HLA-F: variants seen among roughly 807,000 people sequenced by gnomAD.
HLA-F encodes HLA class I histocompatibility antigen, alpha chain F.
A neutral mutation model predicts 49.5 loss-of-function variants in HLA-F; 46 were observed. That is an observed-to-expected ratio of 0.93 (90% CI 0.73 to 1.19). The LOEUF is 1.19. HLA-F is among the 50% of genes most tolerant of loss of function. The pLI is 0.00. For missense variants in HLA-F, 496 were observed against 579.6 expected, an observed-to-expected ratio of 0.86 and a Z score of 1.48; for synonymous variants, 203 against 233.5, an observed-to-expected ratio of 0.87 and a Z score of 1.19.
At position 29,723,816 on chromosome 6, in the gene HLA-F, C is replaced by A; in HGVS notation, c.223C>A (p.Gln75Lys). 1 of 1,603,828 alleles carries A rather than the reference C, an allele frequency of 6.2e-7. No individual in the cohort carries two copies. Among genetic ancestry groups the A allele is most frequent in the Non-Finnish European group, 8.5e-7 (1 of 1,175,602 alleles). The change falls in exon 2 of 7, where the codon CAA (glutamine) becomes AAA (lysine). Residue 75 changes from glutamine (Q) to lysine (K), a missense_variant. Gln to Lys is a moderately conservative substitution (Grantham distance 53). Coordinates refer to ENST00000259951, the MANE Select transcript of HLA-F (RefSeq NM_001098479.2). ...GGAGCCGCGGGAGCCGTGGGTGGAG[C>A]AAGAGGGGCCGCAGTATTGGGAGTG... Reference protein sequence around the residue: ...RMEPREPWVEQEGPQYWEWTT... With the variant: ...RMEPREPWVEKEGPQYWEWTT...
rs751031382 is a variant in HLA-F, at chr6:29,723,561, T to C, written c.64+34T>C. On this transcript the variant is annotated intron_variant, in intron 1 of 6. Coordinates refer to ENST00000259951, the MANE Select transcript of HLA-F (RefSeq NM_001098479.2). ...GGGGTCCAGAGAGAAACGGCCTCTG[T>C]GGGGAGGAGTGAGGGGCCCGCCCGG... is the stretch of plus-strand genomic sequence containing the variant. The C allele has an allele frequency of 3.7e-6, 6 of 1,602,140 alleles. No homozygotes were observed. In the African/African-American group the frequency reaches 4.0e-5, roughly 11 times the overall value.
At position 29,724,330 on chromosome 6, in the gene HLA-F, C is replaced by G. The variant is rs561730908; in HGVS notation, c.492C>G (p.Thr164=). The G allele has an allele frequency of 6.2e-7, 1 of 1,613,110 alleles. No homozygotes were observed. Among genetic ancestry groups the G allele is most frequent in the African/African-American group, 1.3e-5 (1 of 74,928 alleles). Residue 164 remains threonine, a synonymous_variant, in exon 3 of 7, where the codon ACC becomes ACG. Coordinates refer to ENST00000259951, the MANE Select transcript of HLA-F (RefSeq NM_001098479.2). The part of the protein sequence containing the change: ...WTAADTVAQI[T]QRFYEAEEYA... ...CGGCGGACACCGTGGCTCAGATCAC[C>G]CAGCGCTTCTATGAGGCAGAGGAAT...
chr6:29,726,733 G>A, intron 6 of HLA-F, 150 bp from the exon 7 acceptor site: 1 of 1,219,340 alleles, frequency 8.2e-7, no homozygotes, highest in South Asian at 1.2e-5. Context: ...TCGAACATAT[G>A]CCTTCCTCTC....
At chr6:29,729,887 T>G (rs145936907), downstream of HLA-F, among the ~76,000 whole-genome samples, 427 of 152,276 alleles carry the variant, frequency 2.8e-3, 3 homozygotes, top group African/African-American at 9.5e-3. Context: ...AATAGGCACA[T>G]GAAAATATGC....
At chr6:29,736,666 C>T (rs9258207) in intron 3 of HLA-F, 49,088 of 286,090 alleles carry the variant, frequency 0.17, 4,951 homozygotes, top group South Asian at 0.31. Context: ...AACCCTAGAG[C>T]AGACACTTTC....
intron 3 of HLA-F, among the ~76,000 whole-genome samples, chr6:29,732,635 A>G (rs1776724141): frequency 6.6e-6 from 1 of 151,888 alleles, no homozygotes; most frequent in Admixed American, 6.6e-5. Flanking sequence ...TTTAGTACAG[A>G]TGGGGTTTCA....
chr6:29,735,166 G>A (rs1326218670), intron 3 of HLA-F: 1 of 127,942 alleles, frequency 7.8e-6, no homozygotes, highest in Non-Finnish European at 1.6e-5. Context: ...ACTATATATA[G>A]TACTATATAT....
chr6:29,725,359 G>A, intron 4 of HLA-F, 53 bp downstream of exon 4: 1 of 1,611,764 alleles, frequency 6.2e-7, no homozygotes. Flanking sequence ...CTTTTCTCAG[G>A]GAAAGCAGGA....
intron 2 of HLA-F, 94 bp downstream of exon 2, chr6:29,724,021 C>G (rs1315949439): frequency 1.1e-5 from 17 of 1,548,118 alleles, no homozygotes; most frequent in Non-Finnish European, 1.3e-5. Context: ...CGAAATCTAC[C>G]CCGAGGCAGC....
downstream of HLA-F, among the ~76,000 whole-genome samples, chr6:29,730,053 C>T (rs956711589): frequency 1.3e-5 from 2 of 152,180 alleles, no homozygotes; most frequent in African/African-American, 4.8e-5. Context: ...CCAACAATTC[C>T]ACTTTTGGGC....
intron 3 of HLA-F, among the ~76,000 whole-genome samples, chr6:29,734,761 T>C (rs1404974898): frequency 6.6e-6 from 1 of 152,320 alleles, no homozygotes; most frequent in South Asian, 2.1e-4. Context: ...CATCACTCTC[T>C]AGTTCCAGAG....
At chr6:29,725,961 T>C in intron 5 of HLA-F, 50 bp from the exon 6 acceptor site, 2 of 1,607,852 alleles carry the variant, frequency 1.2e-6, no homozygotes, top group South Asian at 2.2e-5. Context: ...TCTAGGACCT[T>C]ATGGCCCTGC....
At chr6:29,730,070 C>A (rs1776439000), downstream of HLA-F, among the ~76,000 whole-genome samples, 1 of 152,092 alleles carries the variant, frequency 6.6e-6, no homozygotes, top group African/African-American at 2.4e-5. Context: ...GGGCATATAC[C>A]CAAAAGAATT....
In HLA-F at chr6:29,725,033, C is replaced by A. The variant is rs142311857; in HGVS notation, c.613C>A (p.Pro205Thr). The A allele has an allele frequency of 1.4e-4, 233 of 1,612,766 alleles. No homozygotes were observed. The African/African-American group carries it at 2.5e-3, about 17-fold the overall frequency. ...NGKETLQRADPPKAHVAHHPI... is the reference protein window; with the variant it reads ...NGKETLQRADTPKAHVAHHPI... ...CTGAATTTTCTGACTCTTCTCAGAT[C>A]CTCCAAAGGCACACGTTGCCCACCA... The change falls in exon 4 of 7, where the codon CCT (proline) becomes ACT (threonine). Residue 205 changes from proline to threonine, a missense_variant and splice_region_variant. Physicochemically the swap from Pro to Thr is conservative, Grantham distance 38. Coordinates refer to ENST00000259951, the MANE Select transcript of HLA-F (RefSeq NM_001098479.2).
intron 3 of HLA-F, among the ~76,000 whole-genome samples, chr6:29,737,127 C>T (rs1777168650): frequency 7.1e-6 from 1 of 140,240 alleles, no homozygotes. Context: ...CACTGAACAG[C>T]AATGGCAATT....
chr6:29,723,554 G>A, intron 1 of HLA-F, 27 bp downstream of exon 1: 1 of 1,606,322 alleles, frequency 6.2e-7, no homozygotes, highest in East Asian at 2.2e-5. Context: ...GAGAGAAACG[G>A]CCTCTGTGGG....
chr6:29,726,548 C>A, intron 6 of HLA-F: 1 of 1,492,494 alleles, frequency 6.7e-7, no homozygotes. Flanking sequence ...GTTTTTATAG[C>A]ATGCACGTAA....
Position 29,725,228 on chromosome 6 carries a change from G to C in HLA-F, c.808G>C (p.Val270Leu), listed in dbSNP as rs1483499056. Residue 270 changes from valine to leucine, a missense_variant, in exon 4 of 7, where the codon GTG becomes CTG. Transcript: ENST00000259951. ...CTTCCAGAAGTGGGCCGCTGTGGTGGTGCCTCCTGGAGAGGAACAGAGATA... is the reference window on the plus strand; with the variant it reads ...CTTCCAGAAGTGGGCCGCTGTGGTGCTGCCTCCTGGAGAGGAACAGAGATA... ...GTFQKWAAVVVPPGEEQRYTC... is the reference protein window; with the variant it reads ...GTFQKWAAVVLPPGEEQRYTC... The C allele has an allele frequency of 6.2e-7, 1 of 1,614,046 alleles. No homozygotes were observed. Among genetic ancestry groups the C allele is most frequent in the South Asian group, 1.1e-5 (1 of 91,080 alleles).
rs1562288007 is a variant in HLA-F, at chr6:29,724,265, G to T, written c.427G>T (p.Asp143Tyr). The part of the protein sequence containing the change: ...GYHQHAYDGK[D>Y]YISLNEDLRS... ...TCACCAGCACGCGTACGACGGCAAG[G>T]ATTACATCTCCCTGAACGAGGACCT... Residue 143 changes from aspartate to tyrosine, a missense_variant, in exon 3 of 7, where the codon GAT (aspartate) becomes TAT (tyrosine). Transcript: ENST00000259951. 6.2e-7 allele frequency: 1 copy of T among 1,613,294 alleles called. No individual in the cohort carries two copies. The highest frequency in any genetic ancestry group is 8.5e-7 in the Non-Finnish European group (1 of 1,180,034).
Sources: allele counts gnomAD v4.1 joint callset (sites outside exome capture counted in the v4.1 genomes callset), GRCh38; gene constraint gnomAD v4.1.1; transcripts MANE v1.5; gene names NCBI Gene and HGNC (gene_info 2026-07-23, HGNC 2026-07-21).